Variants in NEBL observed in about 807,000 individuals in gnomAD.
NEBL encodes the protein nebulette.
A neutral mutation model predicts 140.2 loss-of-function variants in NEBL; 122 were observed. The observed-to-expected ratio is 0.87, with a 90% confidence interval of 0.75 to 1.01. The LOEUF (loss-of-function observed/expected upper bound fraction) is 1.01. Ranked by LOEUF, NEBL falls within the 50% of genes least tolerant of loss-of-function variation. The pLI, the probability that NEBL is intolerant of heterozygous loss-of-function variation, is 0.00. For missense variants in NEBL, 1,365 were observed against 1,231.3 expected, an observed-to-expected ratio of 1.11 and a Z score of -1.62; for synonymous variants, 436 against 398.9, an observed-to-expected ratio of 1.09 and a Z score of -1.11.
At chr10:21,270,134 G>A (rs375118649) in intron 1 of NEBL, among the ~76,000 whole-genome samples, 2 of 152,144 alleles carry the variant, frequency 1.3e-5, no homozygotes, top group African/African-American at 4.8e-5. Flanking sequence ...CCACTGAATG[G>A]TGGCATCATC....
intron 18 of NEBL, 121 bp downstream of exon 18, chr10:20,826,326 G>T: frequency 1.3e-6 from 1 of 793,180 alleles, no homozygotes; most frequent in Middle Eastern, 3.5e-4. Context: ...TGATGAAATA[G>T]CATTTCAATA....
intron 2 of NEBL, among the ~76,000 whole-genome samples, chr10:21,103,237 G>A (rs2131995712): frequency 6.8e-6 from 1 of 147,990 alleles, no homozygotes; most frequent in African/African-American, 2.5e-5. Context: ...TTTTGAGATG[G>A]AGTCTCACTC....
At chr10:21,226,122 G>A (rs7093901) in intron 3 of NEBL, among the ~76,000 whole-genome samples, 32,473 of 151,678 alleles carry the variant, frequency 0.21, 3,822 homozygotes, top group African/African-American at 0.29. Flanking sequence ...ACAGGACTGT[G>A]TCCCTCTCTT....
intron 5 of NEBL, among the ~76,000 whole-genome samples, chr10:20,880,179 G>T (rs1427820712): frequency 6.6e-6 from 1 of 152,056 alleles, no homozygotes; most frequent in Non-Finnish European, 1.5e-5. Flanking sequence ...TGGCCTAGAT[G>T]GTGAAAACCC....
At chr10:21,145,915 C>T (rs1342529631) in intron 2 of NEBL, among the ~76,000 whole-genome samples, 3 of 152,108 alleles carry the variant, frequency 2.0e-5, no homozygotes, top group Admixed American at 6.5e-5. Context: ...CTCTCTGGAC[C>T]GCAGCTCGGG....
At chr10:21,171,469 C>T (rs1841073790) in intron 2 of NEBL, 1 of 152,202 alleles carries the variant, frequency 6.6e-6, no homozygotes, top group Admixed American at 6.6e-5. Flanking sequence ...AACATATGCC[C>T]CTGGGCAGCA....
chr10:20,972,548 T>G lies in NEBL; in HGVS notation c.250-10769A>C, dbSNP rs191749364. Among the ~76,000 whole-genome samples, 1,271 of 152,016 alleles carry G rather than the reference T, an allele frequency of 8.4e-3. 15 individuals are homozygous for G. The highest frequency in any genetic ancestry group is 0.029 in the African/African-American group (1,209 of 41,464). On this transcript the variant is annotated intron_variant, in intron 3 of 6. Coordinates refer to the NEBL transcript ENST00000417816. ...TCATGAGGTCAGGAGATCAAGACCATCCTGGCCAACATGGTGAAACCCTGT... is the reference window on the plus strand; with the variant it reads ...TCATGAGGTCAGGAGATCAAGACCAGCCTGGCCAACATGGTGAAACCCTGT...
intron 2 of NEBL, among the ~76,000 whole-genome samples, chr10:21,168,053 C>T (rs553713988): frequency 2.0e-5 from 3 of 152,140 alleles, no homozygotes; most frequent in South Asian, 2.1e-4. Context: ...ATACTTTGAT[C>T]GTTCTATCAA....
chr10:21,067,880 G>C (rs1442791527), intron 2 of NEBL, among the ~76,000 whole-genome samples: 1 of 152,176 alleles, frequency 6.6e-6, no homozygotes, highest in Non-Finnish European at 1.5e-5. Context: ...TCAGGAGGCT[G>C]AGGCAGGAGG....
intron 26 of NEBL, among the ~76,000 whole-genome samples, chr10:20,789,402 T>C (rs1835723105): frequency 6.6e-6 from 1 of 152,224 alleles, no homozygotes; most frequent in Non-Finnish European, 1.5e-5. Flanking sequence ...CTTTCAGGAA[T>C]GGACATTGAA....
chr10:20,843,191 T>C (rs768306574), intron 12 of NEBL, among the ~76,000 whole-genome samples: 2 of 152,012 alleles, frequency 1.3e-5, no homozygotes, highest in Non-Finnish European at 2.9e-5. Context: ...GTTCTATCCC[T>C]CTACTGAAGT....
intron 3 of NEBL, among the ~76,000 whole-genome samples, chr10:21,215,689 C>G (rs56169747): frequency 0.038 from 5,830 of 152,140 alleles, 384 homozygotes; most frequent in African/African-American, 0.13. Flanking sequence ...GAGACAGGGT[C>G]TTACTCTGTC....
chr10:21,290,564 A>G (rs887480607), intron 1 of NEBL, among the ~76,000 whole-genome samples: 1 of 152,222 alleles, frequency 6.6e-6, no homozygotes, highest in Admixed American at 6.5e-5. Context: ...GGAGAGAAAG[A>G]CTAAAATCAT....
intron 5 of NEBL, among the ~76,000 whole-genome samples, chr10:20,879,046 T>C (rs906584033): frequency 1.3e-5 from 2 of 152,192 alleles, no homozygotes; most frequent in African/African-American, 4.8e-5. Flanking sequence ...GTCTCTTCAG[T>C]GTCAAAATAC....
At chr10:21,157,567 T>A (rs1400641613) in intron 2 of NEBL, among the ~76,000 whole-genome samples, 3 of 152,094 alleles carry the variant, frequency 2.0e-5, no homozygotes, top group African/African-American at 7.2e-5. Context: ...CAAGATTCCA[T>A]CTCAAAAAAT....
chr10:21,078,332 AT>A (rs1164498402), intron 2 of NEBL, among the ~76,000 whole-genome samples: 1 of 152,262 alleles, frequency 6.6e-6, no homozygotes, highest in Non-Finnish European at 1.5e-5. Flanking sequence ...TTTTAAAGTA[AT>A]AAGCCTTTCA....
chr10:20,880,775 G>C lies in NEBL; in HGVS notation c.480+19C>G, dbSNP rs1343413589. 5 of 1,567,218 alleles carry C rather than the reference G, an allele frequency of 3.2e-6. No individual in the cohort carries two copies. The highest frequency in any genetic ancestry group is 4.4e-6 in the Non-Finnish European group (5 of 1,137,352). On this transcript the variant is annotated intron_variant, in intron 5 of 27. Transcript: ENST00000377122. ...TAACTACAGTTCGCTAGAAAATCAT[G>C]AGAAATGCGCTTCCTTACATTACTC...
chr10:21,264,196 G>T (rs929271149), intron 1 of NEBL, among the ~76,000 whole-genome samples: 1 of 152,348 alleles, frequency 6.6e-6, no homozygotes, highest in African/African-American at 2.4e-5. Flanking sequence ...TGTGTCCCCA[G>T]TTGGGATGAT....
At chr10:20,806,677 C>G (rs764636275) in intron 26 of NEBL, among the ~76,000 whole-genome samples, 20 of 152,230 alleles carry the variant, frequency 1.3e-4, no homozygotes, top group South Asian at 1.2e-3. Context: ...AAGCCCCTTA[C>G]AGCGGATGCA....
Sources: allele counts gnomAD v4.1 joint callset (sites outside exome capture counted in the v4.1 genomes callset), GRCh38; gene constraint gnomAD v4.1.1; transcripts MANE v1.5; gene names NCBI Gene and HGNC (gene_info 2026-07-23, HGNC 2026-07-21).